The following MVB12B variants were observed in gnomAD, a reference collection of about 807,000 sequenced individuals.
MVB12B encodes multivesicular body subunit 12B.
Under a neutral mutation model 41.6 loss-of-function variants are expected in MVB12B, and 16 were observed. The observed-to-expected ratio is 0.38, with a 90% CI of 0.26 to 0.58. The LOEUF (loss-of-function observed/expected upper bound fraction) is 0.58, where lower values mean the gene tolerates loss of function less well. MVB12B is among the 20% of genes least tolerant of loss of function. MVB12B has a pLI of 0.62. For synonymous variants in MVB12B, 133 were observed against 139.7 expected (o/e 0.95, Z 0.34); for missense variants, 274 against 380.2 (o/e 0.72, Z 2.32).
chr9:126,439,452 A>G (rs1395755472), intron 7 of MVB12B, among the ~76,000 whole-genome samples: 3 of 152,214 alleles, frequency 2.0e-5, no homozygotes, highest in South Asian at 2.1e-4. Context: ...ACCTTGTACT[A>G]TATTCTGGTC....
intron 3 of MVB12B, among the ~76,000 whole-genome samples, chr9:126,383,044 T>C (rs1266697100): frequency 1.3e-5 from 2 of 152,172 alleles, no homozygotes; most frequent in Admixed American, 6.5e-5. Context: ...GGAAAAAGAA[T>C]GAATGGATCC....
chr9:126,482,633 A>C (rs185135979), intron 8 of MVB12B, among the ~76,000 whole-genome samples: 1 of 152,230 alleles, frequency 6.6e-6, no homozygotes, highest in East Asian at 1.9e-4. Context: ...CAGCAGCTGC[A>C]CCTCTGCTGG....
chr9:126,434,345 C>A (rs1275167424), intron 7 of MVB12B, among the ~76,000 whole-genome samples: 1 of 152,170 alleles, frequency 6.6e-6, no homozygotes, highest in Non-Finnish European at 1.5e-5. Flanking sequence ...ATTTGTCTTA[C>A]AATTGTCTGT....
chr9:126,488,053 C>T (rs375019018), intron 9 of MVB12B, among the ~76,000 whole-genome samples: 71 of 152,294 alleles, frequency 4.7e-4, no homozygotes, highest in African/African-American at 1.5e-3. Flanking sequence ...GGCTTTTCTC[C>T]GTAAATAAAC....
In MVB12B at chr9:126,442,587, A is replaced by G. The variant is rs868212886; in HGVS notation, c.757+20639A>G. On this transcript the variant is annotated intron_variant, in intron 7 of 9. Transcript: ENST00000361171. The stretch of plus-strand genomic sequence containing the variant: ...AATTGGAACTTGAGTGACATATATC[A>G]CCATGTCACTCAAGTTCCAATTTGG... Among the ~76,000 whole-genome samples the G allele has an allele frequency of 6.6e-5, 10 of 152,182 alleles. 1 individual carries two copies. In the Middle Eastern group the frequency reaches 0.017, roughly 259 times the overall value.
At chr9:126,407,881 A>T (rs1166025645) in intron 6 of MVB12B, among the ~76,000 whole-genome samples, 1 of 152,242 alleles carries the variant, frequency 6.6e-6, no homozygotes, top group Non-Finnish European at 1.5e-5. Flanking sequence ...ACCTGACTTC[A>T]GATCCCACTG....
intron 9 of MVB12B, among the ~76,000 whole-genome samples, chr9:126,495,432 A>G (rs920584447): frequency 1.3e-5 from 2 of 152,142 alleles, no homozygotes; most frequent in African/African-American, 4.8e-5. Flanking sequence ...GCTTTCTCCC[A>G]TTTTTGTTTT....
At chr9:126,492,210 G>A (rs1833747841) in intron 9 of MVB12B, among the ~76,000 whole-genome samples, 1 of 146,492 alleles carries the variant, frequency 6.8e-6, no homozygotes, top group Non-Finnish European at 1.5e-5. Context: ...ACACGTCTTC[G>A]CATGTTCCTT....
intron 6 of MVB12B, chr9:126,396,511 A>G: frequency 1.0e-6 from 1 of 985,488 alleles, no homozygotes; most frequent in Non-Finnish European, 1.2e-6. Context: ...GATGAACAAA[A>G]TCTGTCAGGA....
chr9:126,503,326 GCCCCCGCCTC>G lies in MVB12B; in HGVS notation c.*65_*74del. The G allele has an allele frequency of 7.3e-7, 1 of 1,375,962 alleles. No individual in the cohort carries two copies. The highest frequency in any genetic ancestry group is 1.0e-6 in the Non-Finnish European group (1 of 997,816). The allele number at this position is 1,375,962 out of a possible 1,614,324, so 85.2% of individuals were successfully genotyped here. A position where few individuals can be genotyped will look rare whatever the true frequency, so the allele number is the denominator to read the frequency against. On this transcript the variant is annotated 3_prime_UTR_variant, in exon 10 of 10. Coordinates refer to ENST00000361171, the MANE Select transcript of MVB12B (RefSeq NM_033446.3). ...CAGACTACTGACGGCAGGGGCTGCT[GCCCCCGCCTC>G]CTCCTGCCGCCTCCGCCAGCCCTCC...
intron 3 of MVB12B, among the ~76,000 whole-genome samples, chr9:126,383,449 A>G (rs1472701004): frequency 2.0e-5 from 3 of 152,160 alleles, no homozygotes; most frequent in Non-Finnish European, 4.4e-5. Flanking sequence ...ATGTACATAG[A>G]TTAGGTAGGG....
At chr9:126,370,641 C>A (rs1644211369) in intron 2 of MVB12B, among the ~76,000 whole-genome samples, 1 of 152,124 alleles carries the variant, frequency 6.6e-6, no homozygotes, top group African/African-American at 2.4e-5. Context: ...CTCGACCTCC[C>A]AAAGTACTGG....
At chr9:126,328,028 C>T (rs994781162) in intron 1 of MVB12B, among the ~76,000 whole-genome samples, 1 of 152,152 alleles carries the variant, frequency 6.6e-6, no homozygotes, top group Non-Finnish European at 1.5e-5. Flanking sequence ...GATCTCATCT[C>T]GTTTTAACAG....
At chr9:126,410,007 A>G (rs1369388288) in intron 6 of MVB12B, among the ~76,000 whole-genome samples, 1 of 152,180 alleles carries the variant, frequency 6.6e-6, no homozygotes, top group Non-Finnish European at 1.5e-5. Context: ...TTAAACTAGT[A>G]ATTGATTTGC....
intron 7 of MVB12B, among the ~76,000 whole-genome samples, chr9:126,425,139 G>A (rs556388026): frequency 2.6e-4 from 40 of 152,268 alleles, no homozygotes; most frequent in African/African-American, 9.1e-4. Context: ...TGGGAGTGGT[G>A]GTGCATGCCT....
At chr9:126,427,000 C>T (rs1165843768) in intron 7 of MVB12B, 1 of 152,250 alleles carries the variant, frequency 6.6e-6, no homozygotes, top group Non-Finnish European at 1.5e-5. Context: ...TAGTTCTGCA[C>T]TTTCCCACAT....
chr9:126,392,513 A>G lies in MVB12B; in HGVS notation c.539+318A>G, dbSNP rs1025087540. On this transcript the variant is annotated intron_variant, in intron 5 of 9. Transcript: ENST00000361171. The surrounding 1 kb of genome is among the most constrained non-coding windows in gnomAD (Gnocchi z 4.8). ...TTCACACTCGTTATTCACCCTAGGAAAGGTCACAGGGACCTATTTTGTACC... is the reference window on the plus strand; with the variant it reads ...TTCACACTCGTTATTCACCCTAGGAGAGGTCACAGGGACCTATTTTGTACC... Among the ~76,000 whole-genome samples the G allele has an allele frequency of 2.0e-5, 3 of 152,240 alleles. No homozygotes were observed. Among genetic ancestry groups the G allele is most frequent in the Admixed American group, 6.5e-5 (1 of 15,290 alleles).
At chr9:126,475,251 G>A (rs1039409045) in intron 7 of MVB12B, among the ~76,000 whole-genome samples, 3 of 152,128 alleles carry the variant, frequency 2.0e-5, no homozygotes, top group East Asian at 1.9e-4. Context: ...CTTCCCATCA[G>A]GCGTGCATTA....
chr9:126,381,911 G>A (rs771920458), intron 3 of MVB12B, among the ~76,000 whole-genome samples: 1 of 151,912 alleles, frequency 6.6e-6, no homozygotes, highest in Non-Finnish European at 1.5e-5. Context: ...ATCCAAGAGG[G>A]AATATGCTTG....
Sources: allele counts gnomAD v4.1 joint callset (sites outside exome capture counted in the v4.1 genomes callset), GRCh38; gene constraint gnomAD v4.1.1; non-coding constraint Gnocchi (gnomAD v3.1); transcripts MANE v1.5; gene names NCBI Gene and HGNC (gene_info 2026-07-23, HGNC 2026-07-21).